The following STK32B variants were observed in gnomAD, a reference collection of about 807,000 sequenced individuals.
STK32B encodes serine/threonine kinase 32B.
A neutral mutation model predicts 52.6 loss-of-function variants in STK32B; 43 were observed. That is an observed-to-expected ratio of 0.82 (90% CI 0.64 to 1.05). The LOEUF (loss-of-function observed/expected upper bound fraction) is 1.05, where lower values mean the gene tolerates loss of function less well. STK32B is among the 50% of genes least tolerant of loss of function. STK32B has a pLI of 0.00. For synonymous variants in STK32B, 238 were observed against 204.3 expected, an observed-to-expected ratio of 1.17 and a Z score of -1.41; for missense variants, 621 against 534.6, an observed-to-expected ratio of 1.16 and a Z score of -1.59.
chr4:5,154,978 G>T (rs952286677), intron 2 of STK32B, among the ~76,000 whole-genome samples: 3 of 151,938 alleles, frequency 2.0e-5, no homozygotes, highest in African/African-American at 7.2e-5. Flanking sequence ...ACAAGGTCAT[G>T]CAGTCTGGCC....
At chr4:5,110,433 G>A (rs1714339517) in intron 1 of STK32B, among the ~76,000 whole-genome samples, 1 of 152,084 alleles carries the variant, frequency 6.6e-6, no homozygotes, top group Admixed American at 6.6e-5. Context: ...CAATGGAATG[G>A]AGAACTCAGA....
intron 4 of STK32B, among the ~76,000 whole-genome samples, chr4:5,343,456 C>G (rs13141017): frequency 0.35 from 53,909 of 151,866 alleles, 12,767 homozygotes; most frequent in African/African-American, 0.68. Flanking sequence ...AATCCTTTGG[C>G]TATATACCCA....
intron 2 of STK32B, among the ~76,000 whole-genome samples, chr4:5,141,150 T>C (rs910717480): frequency 1.3e-5 from 2 of 152,174 alleles, no homozygotes; most frequent in African/African-American, 4.8e-5. Flanking sequence ...ACTAGCTGCA[T>C]TTTAAGTGCT....
At chr4:5,349,421 C>T (rs959263289) in intron 4 of STK32B, among the ~76,000 whole-genome samples, 4 of 152,122 alleles carry the variant, frequency 2.6e-5, no homozygotes, top group Non-Finnish European at 5.9e-5. Context: ...CACTGCTGCA[C>T]CCACCCAGAA....
intron 11 of STK32B, among the ~76,000 whole-genome samples, chr4:5,472,633 G>C (rs1461361612): frequency 6.6e-6 from 1 of 152,192 alleles, no homozygotes; most frequent in Non-Finnish European, 1.5e-5. Context: ...GAAGCTCCTG[G>C]TGAGGAAGGA....
At chr4:5,259,385 A>T (rs1726553196) in intron 3 of STK32B, among the ~76,000 whole-genome samples, 1 of 152,224 alleles carries the variant, frequency 6.6e-6, no homozygotes, top group South Asian at 2.1e-4. Flanking sequence ...ATGCAGGCAG[A>T]GGCAGAGTAG....
chr4:5,221,776 A>G lies in STK32B; in HGVS notation c.260+53326A>G, dbSNP rs944138221. ...GAGACTGAGGCAGGAGAATCACTTGAACCAGGGAGACAGAGGTTGCAGTGA... is the reference window on the plus strand; with the variant it reads ...GAGACTGAGGCAGGAGAATCACTTGGACCAGGGAGACAGAGGTTGCAGTGA... On this transcript the variant is annotated intron_variant, in intron 3 of 11. Transcript: ENST00000282908. 3.3e-5 allele frequency among the ~76,000 whole-genome samples: 5 copies of G among 150,078 alleles called. No homozygotes were observed. In the South Asian group the frequency reaches 6.3e-4, roughly 19 times the overall value.
chr4:5,450,990 T>C (rs1715940158), intron 7 of STK32B, among the ~76,000 whole-genome samples: 1 of 152,156 alleles, frequency 6.6e-6, no homozygotes, highest in African/African-American at 2.4e-5. Flanking sequence ...GTGTTGTGAT[T>C]TGGGCTAAGT....
intron 1 of STK32B, among the ~76,000 whole-genome samples, chr4:5,093,113 C>G (rs1713185529): frequency 6.6e-6 from 1 of 151,554 alleles, no homozygotes; most frequent in Non-Finnish European, 1.5e-5. Context: ...AAAAAACTTG[C>G]AGAAGAAAAA....
At chr4:5,216,631 A>G (rs1256975831) in intron 3 of STK32B, among the ~76,000 whole-genome samples, 1 of 152,154 alleles carries the variant, frequency 6.6e-6, no homozygotes, top group Admixed American at 6.5e-5. Flanking sequence ...CTGCAGAGGG[A>G]AGATGGGCAG....
rs778044900 is a variant in STK32B, at chr4:5,453,904, TAAAA to T, written c.667-2897_667-2894del. On this transcript the variant is annotated intron_variant, in intron 7 of 11. Transcript: ENST00000282908. The surrounding 1 kb of genome is among the most constrained non-coding windows in gnomAD (Gnocchi z 4.0). ...TAGGCGACAAGAGTGAAACTCCATC[TAAAA>T]AAAAAGAAGTCCAAAACTGAACTCA... 2.7e-5 allele frequency among the ~76,000 whole-genome samples: 4 copies of T among 148,042 alleles called. No homozygotes were observed. Among genetic ancestry groups the T allele is most frequent in the Non-Finnish European group, 4.5e-5 (3 of 67,024 alleles).
intron 3 of STK32B, among the ~76,000 whole-genome samples, chr4:5,200,109 A>G (rs928291762): frequency 1.3e-5 from 2 of 152,148 alleles, no homozygotes; most frequent in African/African-American, 4.8e-5. Context: ...TCTCAGTTTC[A>G]TCATCTGTCA....
At position 5,097,316 on chromosome 4, in the gene STK32B, C is replaced by T. The variant is rs140989533; in HGVS notation, c.53-42589C>T. ...AAATGCATATACCTTGAAAATGGCA[C>T]GAGTGACACTTCTTGTTATTCCTTG... On this transcript the variant is annotated intron_variant, in intron 1 of 11. Coordinates refer to ENST00000282908, the MANE Select transcript of STK32B (RefSeq NM_018401.3). Among the ~76,000 whole-genome samples, 22 of 152,266 alleles carry T rather than the reference C, an allele frequency of 1.4e-4. No individual in the cohort carries two copies. The East Asian group carries it at 3.9e-3, about 27-fold the overall frequency.
chr4:5,463,382 C>T (rs1469549442), intron 9 of STK32B, among the ~76,000 whole-genome samples: 1 of 152,190 alleles, frequency 6.6e-6, no homozygotes, highest in Non-Finnish European at 1.5e-5. Context: ...GTGCCTGAGC[C>T]TGTTGGCAGG....
At chr4:5,133,932 A>G (rs921217636) in intron 1 of STK32B, among the ~76,000 whole-genome samples, 6 of 152,202 alleles carry the variant, frequency 3.9e-5, no homozygotes, top group African/African-American at 1.2e-4. Context: ...TCAGGTTCAC[A>G]CTGACTCAAA....
intron 6 of STK32B, among the ~76,000 whole-genome samples, chr4:5,424,956 A>G (rs1358633637): frequency 6.6e-6 from 1 of 152,196 alleles, no homozygotes; most frequent in East Asian, 1.9e-4. Context: ...GGGCACCACC[A>G]AGTTCCCCAG....
the STK32B span, among the ~76,000 whole-genome samples, chr4:5,027,276 A>G: frequency 6.6e-6 from 1 of 152,220 alleles, no homozygotes. Context: ...GCTTTTGGGC[A>G]GAGATTATGA....
At chr4:5,242,305 A>G (rs1466148523) in intron 3 of STK32B, among the ~76,000 whole-genome samples, 1 of 152,022 alleles carries the variant, frequency 6.6e-6, no homozygotes, top group Non-Finnish European at 1.5e-5. Context: ...TGTGGTTTTG[A>G]TTTGCATTTT....
chr4:5,364,014 T>A (rs62297299), intron 4 of STK32B, among the ~76,000 whole-genome samples: 7,368 of 152,160 alleles, frequency 0.048, 472 homozygotes, highest in Admixed American at 0.18. Context: ...GATATATTGA[T>A]CCATCCCCCT....
Sources: gnomAD v4.1 joint callset for allele counts (sites outside exome capture counted in the v4.1 genomes callset) on GRCh38, gnomAD v4.1.1 for gene constraint, Gnocchi (gnomAD v3.1) non-coding constraint, MANE v1.5 for transcripts, NCBI Gene and HGNC (gene_info 2026-07-23, HGNC 2026-07-21) for gene names.